Variants in ZNF544 observed in about 807,000 individuals in gnomAD.
ZNF544 encodes the protein zinc finger protein 544, also known as zinc finger protein AF020591.
ZNF544 carries 10 observed loss-of-function variants against 13.5 expected under a neutral mutation model. That is an observed-to-expected ratio of 0.74 (90% CI 0.46 to 1.25). The LOEUF (loss-of-function observed/expected upper bound fraction) is 1.25, where lower values mean the gene tolerates loss of function less well. Ranked by LOEUF, ZNF544 falls within the 50% of genes most tolerant of loss-of-function variation. The probability of loss-of-function intolerance (pLI) is 0.00; values close to 1 mark genes in which losing one functional copy is unlikely to be tolerated. For missense variants in ZNF544, 896 were observed against 845.6 expected (o/e 1.06, Z -0.74); for synonymous variants, 323 against 300.5 (o/e 1.07, Z -0.77).
chr19:58,254,561 C>T (rs1426546094), intron 6 of ZNF544, among the ~76,000 whole-genome samples: 1 of 152,136 alleles, frequency 6.6e-6, no homozygotes, highest in African/African-American at 2.4e-5. Flanking sequence ...CTAGAGGATC[C>T]CCCTTTGGGG....
At position 58,263,172 on chromosome 19, in the gene ZNF544, A is replaced by C; in HGVS notation, c.*418A>C. The C allele has an allele frequency of 1.0e-6, 1 of 997,460 alleles. No individual in the cohort carries two copies. The highest frequency in any genetic ancestry group is 1.2e-6 in the Non-Finnish European group (1 of 836,624). The allele number at this position is 997,460 out of a possible 1,614,324, so 61.8% of individuals were successfully genotyped here. ...TGGGCAAGAAACTCTATGAATAACC[A>C]AGATGGAGCCGGGTGCAGTTGCCAA... On this transcript the variant is annotated 3_prime_UTR_variant, in exon 7 of 7. Coordinates refer to ENST00000687789, the MANE Select transcript of ZNF544 (RefSeq NM_014480.4).
intron 6 of ZNF544, 153 bp downstream of exon 6, chr19:58,246,947 C>A: frequency 1.6e-6 from 1 of 610,424 alleles, no homozygotes. Context: ...AGGAGTTCAC[C>A]AATTCGAAGT....
At chr19:58,270,406 A>G (rs2050491160) in intron 5 of ZNF544, among the ~76,000 whole-genome samples, 3 of 151,738 alleles carry the variant, frequency 2.0e-5, no homozygotes, top group Non-Finnish European at 4.4e-5. Context: ...GGTTCAAGCA[A>G]TTCTCCTGCC....
intron 6 of ZNF544, among the ~76,000 whole-genome samples, chr19:58,252,983 C>T (rs1202752540): frequency 6.6e-6 from 1 of 152,134 alleles, no homozygotes; most frequent in Non-Finnish European, 1.5e-5. Flanking sequence ...CCACACCCAG[C>T]TCACTTTTAT....
At chr19:58,275,428 G>C (rs2051136845) in intron 5 of ZNF544, among the ~76,000 whole-genome samples, 1 of 151,736 alleles carries the variant, frequency 6.6e-6, no homozygotes, top group Non-Finnish European at 1.5e-5. Flanking sequence ...AGGATCTCAG[G>C]AACGCCCAGG....
chr19:58,233,405 T>C (rs766441242), intron 3 of ZNF544, among the ~76,000 whole-genome samples: 1 of 152,188 alleles, frequency 6.6e-6, no homozygotes, highest in Non-Finnish European at 1.5e-5. Flanking sequence ...TAATCTTGAA[T>C]GTTTATGGAC....
At chr19:58,234,907 TTTACA>T (rs1436531834) in intron 3 of ZNF544, among the ~76,000 whole-genome samples, 2 of 152,248 alleles carry the variant, frequency 1.3e-5, no homozygotes. Flanking sequence ...CAAAAGAGTG[TTTACA>T]TTATAATCAC....
rs758838057 is a variant in ZNF544 at position 58,244,045 on chromosome 19, G to A, written c.22G>A (p.Val8Ile). The A allele has an allele frequency of 2.5e-6, 4 of 1,607,700 alleles. No individual in the cohort carries two copies. The highest frequency in any genetic ancestry group is 1.1e-5 in the South Asian group (1 of 89,632). Residue 8 changes from valine (V) to isoleucine (I), a missense_variant, in exon 4 of 7, where the codon GTT becomes ATT. By Grantham distance (29) the Val-to-Ile change is conservative. Transcript: ENST00000687789. ...GGAAATGGAAGCACGTTCTATGCTG[G>A]TTCCACCCCAGGTGAGTGGGGGGTC... MEARSML[V>I]PPQASVCFED...
chr19:58,267,968 G>A (rs1195817944), downstream of ZNF544, among the ~76,000 whole-genome samples: 3 of 150,508 alleles, frequency 2.0e-5, no homozygotes, highest in South Asian at 2.1e-4. Context: ...GCAACAGAGC[G>A]AGACTGCGTT....
At chr19:58,233,109 G>T in intron 3 of ZNF544, among the ~76,000 whole-genome samples, 1 of 152,148 alleles carries the variant, frequency 6.6e-6, no homozygotes, top group East Asian at 1.9e-4. Flanking sequence ...AGGCAAGAGG[G>T]TGTGTGCAGG....
At chr19:58,246,042 G>T (rs1270654038) in intron 4 of ZNF544, among the ~76,000 whole-genome samples, 1 of 152,206 alleles carries the variant, frequency 6.6e-6, no homozygotes, top group Non-Finnish European at 1.5e-5. Flanking sequence ...GAGTTGGTCT[G>T]GTTGGGGCCT....
chr19:58,244,029 A>G lies in ZNF544; in HGVS notation c.6A>G (p.Glu2=). 6.2e-7 allele frequency: 1 copy of G among 1,608,798 alleles called. No homozygotes were observed. Among genetic ancestry groups the G allele is most frequent in the South Asian group, 1.1e-5 (1 of 89,874 alleles). M[E]ARSMLVPPQA... ...TCTTCAGGTGCAGGGAGGAAATGGAAGCACGTTCTATGCTGGTTCCACCCC... is the reference window on the plus strand; with the variant it reads ...TCTTCAGGTGCAGGGAGGAAATGGAGGCACGTTCTATGCTGGTTCCACCCC... The change falls in exon 4 of 7, where the codon GAA becomes GAG. Residue 2 remains glutamate, a synonymous_variant. Coordinates refer to ENST00000687789, the MANE Select transcript of ZNF544 (RefSeq NM_014480.4).
intron 4 of ZNF544, 152 bp from the exon 5 acceptor site, chr19:58,246,149 T>C: frequency 1.9e-6 from 2 of 1,040,016 alleles, no homozygotes; most frequent in Non-Finnish European, 2.9e-6. Context: ...AATTGCCTTG[T>C]AAAGACCCCA....
chr19:58,232,646 C>T (rs1041713809), intron 3 of ZNF544, among the ~76,000 whole-genome samples: 28 of 151,456 alleles, frequency 1.8e-4, no homozygotes, highest in South Asian at 1.2e-3. Flanking sequence ...AAGACATATC[C>T]GGGCCGGGCG....
chr19:58,231,351 C>T (rs900225754), intron 3 of ZNF544, among the ~76,000 whole-genome samples: 1 of 152,122 alleles, frequency 6.6e-6, no homozygotes, highest in African/African-American at 2.4e-5. Flanking sequence ...CCTTGGTTTC[C>T]TCATTTAGAA....
At chr19:58,236,324 A>AC in intron 3 of ZNF544, among the ~76,000 whole-genome samples, 1 of 151,586 alleles carries the variant, frequency 6.6e-6, no homozygotes, top group Middle Eastern at 3.4e-3. Flanking sequence ...ACATGGAGAA[A>AC]CCCCGTCTCT....
chr19:58,252,097 C>T (rs932211422), intron 6 of ZNF544, among the ~76,000 whole-genome samples: 3 of 152,166 alleles, frequency 2.0e-5, no homozygotes, highest in Non-Finnish European at 4.4e-5. Flanking sequence ...AACTTTTATC[C>T]TTTGCAAGCT....
At chr19:58,273,514 C>T (rs146426289) in intron 5 of ZNF544, among the ~76,000 whole-genome samples, 2,263 of 151,730 alleles carry the variant, frequency 0.015, 58 homozygotes, top group African/African-American at 0.052. Flanking sequence ...CAGGCCGAAA[C>T]CCTGTCTCTA....
downstream of ZNF544, among the ~76,000 whole-genome samples, chr19:58,266,312 A>G (rs748133048): frequency 5.6e-4 from 84 of 150,934 alleles, no homozygotes; most frequent in Non-Finnish European, 1.0e-3. Flanking sequence ...AGGTCAGATC[A>G]AGACCATCCT....
Sources: allele counts gnomAD v4.1 joint callset (sites outside exome capture counted in the v4.1 genomes callset), GRCh38; gene constraint gnomAD v4.1.1; transcripts MANE v1.5; gene names NCBI Gene and HGNC (gene_info 2026-07-23, HGNC 2026-07-21).